Variants in TMPRSS15 observed in about 807,000 individuals in gnomAD.
The protein encoded by TMPRSS15 is enteropeptidase.
TMPRSS15 carries 128 observed loss-of-function variants against 125.3 expected under a neutral mutation model. The ratio of observed to expected loss-of-function variants is 1.02; its 90% confidence interval spans 0.89 to 1.18. The LOEUF (loss-of-function observed/expected upper bound fraction) is 1.18, where lower values mean the gene tolerates loss of function less well. TMPRSS15 is among the 50% of genes most tolerant of loss of function. The pLI is 0.00. For synonymous variants in TMPRSS15, 446 were observed against 423.2 expected, an observed-to-expected ratio of 1.05 and a Z score of -0.66; for missense variants, 1,283 against 1,212.7, an observed-to-expected ratio of 1.06 and a Z score of -0.86.
At chr21:18,305,317 T>C (rs369606694) in intron 18 of TMPRSS15, among the ~76,000 whole-genome samples, 12 of 149,266 alleles carry the variant, frequency 8.0e-5, no homozygotes, top group Admixed American at 5.4e-4. Context: ...GCCTCCCGAG[T>C]AGCTGGGACT....
At chr21:18,345,168 G>C (rs2075491548) in intron 10 of TMPRSS15, among the ~76,000 whole-genome samples, 1 of 152,134 alleles carries the variant, frequency 6.6e-6, no homozygotes, top group African/African-American at 2.4e-5. Context: ...AATGTAATAT[G>C]TACACATTCA....
At chr21:18,270,226 A>C in intron 24 of TMPRSS15, 102 bp from the exon 25 acceptor site, 1 of 1,058,294 alleles carries the variant, frequency 9.4e-7, no homozygotes, top group South Asian at 1.6e-5. Flanking sequence ...AAATTAATTA[A>C]AAAATATGAT....
chr21:18,312,032 T>G (rs143934549), intron 18 of TMPRSS15, among the ~76,000 whole-genome samples: 2 of 152,120 alleles, frequency 1.3e-5, no homozygotes, highest in African/African-American at 2.4e-5. Context: ...CTTCCCTTTA[T>G]AGACCTCATA....
chr21:18,482,368 C>A (rs1978996916), intron 1 of TMPRSS15, among the ~76,000 whole-genome samples: 1 of 151,192 alleles, frequency 6.6e-6, no homozygotes, highest in Non-Finnish European at 1.5e-5. Context: ...TTTCTTTAGA[C>A]AATAGGGTAT....
intron 10 of TMPRSS15, among the ~76,000 whole-genome samples, chr21:18,345,738 C>A (rs1286891345): frequency 6.8e-4 from 1 of 1,478 alleles, no homozygotes; most frequent in Non-Finnish European, 0.045. Flanking sequence ...GAGACTCCGT[C>A]TCAAAAAAAA....
chr21:18,413,943 A>T (rs565427137), intron 1 of TMPRSS15, among the ~76,000 whole-genome samples: 35 of 152,304 alleles, frequency 2.3e-4, no homozygotes, highest in African/African-American at 7.5e-4. Context: ...TAAAAAAATA[A>T]TTAAAATAAT....
chr21:18,468,855 G>A (rs900308900), intron 1 of TMPRSS15, among the ~76,000 whole-genome samples: 1 of 152,126 alleles, frequency 6.6e-6, no homozygotes, highest in African/African-American at 2.4e-5. Flanking sequence ...GGTGCAAGCT[G>A]CACCCTGTTA....
intron 1 of TMPRSS15, among the ~76,000 whole-genome samples, chr21:18,413,529 G>A (rs1203355569): frequency 6.7e-6 from 1 of 149,958 alleles, no homozygotes; most frequent in African/African-American, 2.5e-5. Context: ...GCAATTCTCT[G>A]CCTCAGCCTC....
intron 21 of TMPRSS15, among the ~76,000 whole-genome samples, chr21:18,293,719 AC>A (rs2074865947): frequency 6.6e-6 from 1 of 152,240 alleles, no homozygotes; most frequent in Non-Finnish European, 1.5e-5. Flanking sequence ...AGAGTCAGAT[AC>A]GGTTGATATT....
At chr21:18,366,444 G>T (rs1223999186) in intron 6 of TMPRSS15, among the ~76,000 whole-genome samples, 1 of 151,970 alleles carries the variant, frequency 6.6e-6, no homozygotes, top group East Asian at 1.9e-4. Context: ...TTTCATAGTA[G>T]ATTTATTTCA....
intron 1 of TMPRSS15, among the ~76,000 whole-genome samples, chr21:18,471,452 C>T (rs56151807): frequency 0.019 from 2,751 of 146,398 alleles, 45 homozygotes; most frequent in Non-Finnish European, 0.029. Context: ...GGAGGGATTG[C>T]TGTCTTCTTA....
At chr21:18,424,223 A>C (rs775259201) in intron 1 of TMPRSS15, among the ~76,000 whole-genome samples, 11 of 152,212 alleles carry the variant, frequency 7.2e-5, no homozygotes, top group Non-Finnish European at 1.3e-4. Flanking sequence ...TCCAAAAATC[A>C]TCACCTCTGC....
At chr21:18,343,917 T>G in intron 11 of TMPRSS15, 38 bp downstream of exon 11, 1 of 1,573,642 alleles carries the variant, frequency 6.4e-7, no homozygotes, top group Non-Finnish European at 8.7e-7. Context: ...TGTTACCCAT[T>G]AAAAAAGACA....
At chr21:18,479,895 C>T (rs112708948) in intron 1 of TMPRSS15, among the ~76,000 whole-genome samples, 2,241 of 152,116 alleles carry the variant, frequency 0.015, 24 homozygotes, top group Middle Eastern at 0.099. Flanking sequence ...TGGGTATATA[C>T]CCAAAGGATG....
intron 1 of TMPRSS15, among the ~76,000 whole-genome samples, chr21:18,426,218 C>T (rs2076202355): frequency 1.3e-5 from 2 of 151,954 alleles, no homozygotes; most frequent in African/African-American, 4.8e-5. Flanking sequence ...ACTTAATCCT[C>T]ATGTGTTCTA....
chr21:18,345,740 C>CAAAAAAAAAAAAAAAAAAAAA (rs1235619873), intron 10 of TMPRSS15, among the ~76,000 whole-genome samples: 6 of 15,560 alleles, frequency 3.9e-4, no homozygotes, highest in African/African-American at 4.9e-4. Flanking sequence ...GACTCCGTCT[C>CAAAAAAAAAAAAAAAAAAAAA]AAAAAAAAAA....
In TMPRSS15 at chr21:18,269,794, A is replaced by AATT; in HGVS notation, c.*172_*174dup. 1 of 655,700 alleles carries AATT rather than the reference A, an allele frequency of 1.5e-6. No individual in the cohort carries two copies. The highest frequency in any genetic ancestry group is 2.6e-6 in the Non-Finnish European group (1 of 389,948). 40.6% of individuals were successfully genotyped at this position (655,700 alleles called of 1,614,324 possible). ...AAAGTTATTCTGTATTGCTATGGTG[A>AATT]ATTTTATTATTTTTAAAATTTTGTT... is the stretch of plus-strand genomic sequence containing the variant. On this transcript the variant is annotated 3_prime_UTR_variant, in exon 25 of 25. Coordinates refer to ENST00000284885, the MANE Select transcript of TMPRSS15 (RefSeq NM_002772.3).
intron 1 of TMPRSS15, among the ~76,000 whole-genome samples, chr21:18,427,755 T>G (rs994926298): frequency 3.3e-5 from 5 of 152,236 alleles, no homozygotes; most frequent in African/African-American, 1.2e-4. Flanking sequence ...GTTTCAAATC[T>G]GAATTTGGGA....
intron 4 of TMPRSS15, among the ~76,000 whole-genome samples, chr21:18,381,973 GT>G (rs1248627239): frequency 6.6e-6 from 1 of 151,576 alleles, no homozygotes; most frequent in Non-Finnish European, 1.5e-5. Context: ...ACCCTGAAAA[GT>G]TAAAAAATAA....
Sources: allele counts gnomAD v4.1 joint callset (sites outside exome capture counted in the v4.1 genomes callset), GRCh38; gene constraint gnomAD v4.1.1; transcripts MANE v1.5; gene names NCBI Gene and HGNC (gene_info 2026-07-23, HGNC 2026-07-21).